Variants in TRHDE observed in about 807,000 individuals in gnomAD.
TRHDE encodes the protein thyrotropin-releasing hormone-degrading ectoenzyme.
TRHDE carries 72 observed loss-of-function variants against 125.7 expected under a neutral mutation model. The observed-to-expected ratio is 0.57, with a 90% confidence interval of 0.47 to 0.70. The LOEUF is 0.70. Ranked by LOEUF, TRHDE falls within the 30% of genes least tolerant of loss-of-function variation. The pLI is 0.00. For synonymous variants in TRHDE, 509 were observed against 509.1 expected, an observed-to-expected ratio of 1.00 and a Z score of 0.00; for missense variants, 1,110 against 1,327.1, an observed-to-expected ratio of 0.84 and a Z score of 2.54.
chr12:72,609,676 A>G (rs759040098), intron 12 of TRHDE, among the ~76,000 whole-genome samples: 10 of 152,230 alleles, frequency 6.6e-5, no homozygotes, highest in Non-Finnish European at 1.2e-4. Flanking sequence ...AACTTTTGAC[A>G]TAAACATTAG....
intron 3 of TRHDE, among the ~76,000 whole-genome samples, chr12:72,396,271 A>G (rs1872784963): frequency 6.6e-6 from 1 of 152,136 alleles, no homozygotes; most frequent in African/African-American, 2.4e-5. Flanking sequence ...TTAATAGCAT[A>G]TTCTTCAGAA....
At chr12:72,462,504 G>T (rs571462933) in intron 3 of TRHDE, among the ~76,000 whole-genome samples, 1 of 152,220 alleles carries the variant, frequency 6.6e-6, no homozygotes, top group Admixed American at 6.5e-5. Context: ...TATGATTGCA[G>T]GCAAAACTAG....
intron 7 of TRHDE, among the ~76,000 whole-genome samples, chr12:72,554,068 G>A (rs1157681615): frequency 6.6e-6 from 1 of 151,758 alleles, no homozygotes; most frequent in Non-Finnish European, 1.5e-5. Context: ...GGCTGGTCTC[G>A]AACTCCTGAC....
At chr12:72,616,889 T>C in intron 12 of TRHDE, among the ~76,000 whole-genome samples, 1 of 152,130 alleles carries the variant, frequency 6.6e-6, no homozygotes, top group Non-Finnish European at 1.5e-5. Flanking sequence ...ATATTTAGAA[T>C]TAAAAGTTCC....
chr12:72,594,570 G>A (rs1189285559), intron 12 of TRHDE, among the ~76,000 whole-genome samples: 1 of 148,388 alleles, frequency 6.7e-6, no homozygotes, highest in African/African-American at 2.5e-5. Flanking sequence ...AATCCCATTT[G>A]GTATTTATGT....
At chr12:72,141,519 G>A (rs1876111587) in intron 2 of TRHDE, among the ~76,000 whole-genome samples, 1 of 152,124 alleles carries the variant, frequency 6.6e-6, no homozygotes, top group Non-Finnish European at 1.5e-5. Context: ...AAATATTTTT[G>A]TGGTTATGGT....
upstream of TRHDE, chr12:72,271,713 C>A (rs1343043957): frequency 5.7e-6 from 2 of 352,140 alleles, no homozygotes; most frequent in African/African-American, 4.3e-5. Context: ...AACCCGAAGC[C>A]TGTGTATATA....
intron 3 of TRHDE, among the ~76,000 whole-genome samples, chr12:72,419,696 G>A (rs1301856543): frequency 6.6e-6 from 1 of 152,114 alleles, no homozygotes; most frequent in Non-Finnish European, 1.5e-5. Flanking sequence ...ATTACATTTG[G>A]TGGGGAAAAA....
chr12:72,399,888 G>C (rs907777623), intron 3 of TRHDE, among the ~76,000 whole-genome samples: 2 of 151,944 alleles, frequency 1.3e-5, no homozygotes, highest in Non-Finnish European at 2.9e-5. Context: ...ATTTTCTGTG[G>C]TCTATTTTAA....
At chr12:72,224,162 G>C (rs112916625) in intron 2 of TRHDE, among the ~76,000 whole-genome samples, 2,291 of 26,904 alleles carry the variant, frequency 0.085, 49 homozygotes, top group African/African-American at 0.17. Flanking sequence ...ATGTATGTAT[G>C]TATGTATCTA....
At chr12:72,155,141 A>G (rs1876473086) in intron 2 of TRHDE, among the ~76,000 whole-genome samples, 2 of 152,060 alleles carry the variant, frequency 1.3e-5, no homozygotes, top group Middle Eastern at 3.4e-3. Context: ...CATTTCATTC[A>G]TTTGATCTTC....
intron 2 of TRHDE, among the ~76,000 whole-genome samples, chr12:72,110,239 T>A (rs1474927521): frequency 6.6e-6 from 1 of 152,094 alleles, no homozygotes; most frequent in Non-Finnish European, 1.5e-5. Context: ...AAAACTTGAT[T>A]ACTCCAAGCG....
At chr12:72,652,994 T>A (rs757343971) in intron 16 of TRHDE, 22 bp from the exon 17 acceptor site, 73 of 1,581,026 alleles carry the variant, frequency 4.6e-5, no homozygotes, top group Non-Finnish European at 6.2e-5. Flanking sequence ...CTAAAAATTT[T>A]TACAAAATTC....
intron 3 of TRHDE, among the ~76,000 whole-genome samples, chr12:72,434,249 G>A (rs1446822843): frequency 6.6e-6 from 1 of 151,790 alleles, no homozygotes; most frequent in Non-Finnish European, 1.5e-5. Context: ...GCCGAGCATG[G>A]TGGACCACAC....
At chr12:72,329,129 C>G (rs1869467877) in intron 2 of TRHDE, among the ~76,000 whole-genome samples, 1 of 152,036 alleles carries the variant, frequency 6.6e-6, no homozygotes, top group Non-Finnish European at 1.5e-5. Context: ...AGATGTTTCC[C>G]AGCTCACAGT....
chr12:72,221,383 C>T (rs555102630), intron 2 of TRHDE, among the ~76,000 whole-genome samples: 1 of 152,158 alleles, frequency 6.6e-6, no homozygotes, highest in East Asian at 1.9e-4. Context: ...TTCCATGGGA[C>T]ATCTTACTAT....
rs574944818 is a variant in TRHDE, at chr12:72,315,156, T to A, written c.1188+28202T>A. Among the ~76,000 whole-genome samples, 7 of 152,366 alleles carry A rather than the reference T, an allele frequency of 4.6e-5. No homozygotes were observed. The South Asian group carries it at 1.4e-3, about 32-fold the overall frequency. On this transcript the variant is annotated intron_variant, in intron 2 of 18. Transcript: ENST00000261180. ...TAAAGGAAAGTGGTATCCTTTATGT[T>A]TTTAAAACAAATGGACTCATTTCTA...
At chr12:72,405,965 T>C (rs1192228788) in intron 3 of TRHDE, among the ~76,000 whole-genome samples, 1 of 152,146 alleles carries the variant, frequency 6.6e-6, no homozygotes, top group African/African-American at 2.4e-5. Context: ...ACTCCCTCAA[T>C]ATTCAAACAT....
intron 1 of TRHDE, among the ~76,000 whole-genome samples, chr12:72,279,160 A>T (rs1879601741): frequency 6.6e-6 from 1 of 152,194 alleles, no homozygotes; most frequent in Non-Finnish European, 1.5e-5. Flanking sequence ...GATGGGCTTG[A>T]GCAAACAATG....
Sources: gnomAD v4.1 joint callset for allele counts (sites outside exome capture counted in the v4.1 genomes callset) on GRCh38, gnomAD v4.1.1 for gene constraint, MANE v1.5 for transcripts, NCBI Gene and HGNC (gene_info 2026-07-23, HGNC 2026-07-21) for gene names.